MYO3B: variants seen among roughly 807,000 people sequenced by gnomAD.
The protein encoded by MYO3B is myosin-IIIb.
In MYO3B, 156 loss-of-function variants were observed where a neutral mutation model predicts 174.6. The ratio of observed to expected loss-of-function variants is 0.89; its 90% confidence interval spans 0.78 to 1.02. The LOEUF is 1.02. Ranked by LOEUF, MYO3B falls within the 50% of genes least tolerant of loss-of-function variation. The pLI is 0.00. For missense variants in MYO3B, 1,632 were observed against 1,639.4 expected, an observed-to-expected ratio of 1.00 and a Z score of 0.08; for synonymous variants, 563 against 569.1, an observed-to-expected ratio of 0.99 and a Z score of 0.15.
At chr2:170,444,644 A>G (rs1423348802) in intron 23 of MYO3B, among the ~76,000 whole-genome samples, 8 of 152,208 alleles carry the variant, frequency 5.3e-5, no homozygotes, top group Non-Finnish European at 1.5e-5. Flanking sequence ...TTATTTAATA[A>G]AGAATAAACA....
chr2:170,581,207 A>G (rs1201127858), intron 32 of MYO3B, among the ~76,000 whole-genome samples: 1 of 152,140 alleles, frequency 6.6e-6, no homozygotes, highest in Non-Finnish European at 1.5e-5. Flanking sequence ...AAAAAAATAA[A>G]TTTCGGAGTC....
At chr2:170,456,078 G>GT (rs1432932299) in intron 23 of MYO3B, among the ~76,000 whole-genome samples, 1 of 152,124 alleles carries the variant, frequency 6.6e-6, no homozygotes, top group Non-Finnish European at 1.5e-5. Context: ...GAATCACAGA[G>GT]TGATTACCCA....
At chr2:170,616,814 C>A (rs187457776) in intron 32 of MYO3B, among the ~76,000 whole-genome samples, 1 of 152,252 alleles carries the variant, frequency 6.6e-6, no homozygotes, top group Admixed American at 6.5e-5. Flanking sequence ...GCTTGAGAGG[C>A]CTCAAAAATC....
intron 23 of MYO3B, among the ~76,000 whole-genome samples, chr2:170,454,948 T>G (rs1429183832): frequency 6.6e-6 from 1 of 152,082 alleles, no homozygotes; most frequent in Non-Finnish European, 1.5e-5. Context: ...TTGCACTGAG[T>G]CAATTCCTGG....
At chr2:170,603,502 T>A (rs73978735) in intron 32 of MYO3B, among the ~76,000 whole-genome samples, 4,656 of 152,310 alleles carry the variant, frequency 0.031, 259 homozygotes, top group African/African-American at 0.11. Flanking sequence ...CCTGTGGCAT[T>A]GATTAGTGTC....
At chr2:170,501,698 T>C (rs1687279824) in intron 27 of MYO3B, 87 bp from the exon 28 acceptor site, 3 of 840,370 alleles carry the variant, frequency 3.6e-6, no homozygotes, top group South Asian at 1.5e-5. Context: ...AGACGGGCAA[T>C]AGGCTGGAGG....
intron 1 of MYO3B, among the ~76,000 whole-genome samples, chr2:170,181,406 C>T (rs1438674989): frequency 6.6e-6 from 1 of 151,848 alleles, no homozygotes; most frequent in Non-Finnish European, 1.5e-5. Context: ...TTACTTCTTC[C>T]CTTCTAATCT....
chr2:170,626,838 T>G (rs1408664676), intron 32 of MYO3B, among the ~76,000 whole-genome samples: 1 of 152,212 alleles, frequency 6.6e-6, no homozygotes, highest in Non-Finnish European at 1.5e-5. Flanking sequence ...AAATTCTGGG[T>G]TGAAAATTCA....
intron 6 of MYO3B, among the ~76,000 whole-genome samples, chr2:170,227,500 G>A (rs1478801942): frequency 2.0e-5 from 3 of 152,220 alleles, no homozygotes; most frequent in South Asian, 4.2e-4. Context: ...GCCCAGGCTG[G>A]TCTTGAACTC....
At chr2:170,391,682 G>T in intron 15 of MYO3B, 64 bp downstream of exon 15, 1 of 926,638 alleles carries the variant, frequency 1.1e-6, no homozygotes. Flanking sequence ...TGACAAACTT[G>T]GAAGTAAATG....
chr2:170,379,618 G>A (rs1309489788), intron 9 of MYO3B, among the ~76,000 whole-genome samples: 1 of 152,200 alleles, frequency 6.6e-6, no homozygotes, highest in African/African-American at 2.4e-5. Flanking sequence ...GAGGCAGGCA[G>A]CAGCTCTGAG....
At chr2:170,208,632 T>G (rs2092739510) in intron 3 of MYO3B, among the ~76,000 whole-genome samples, 1 of 152,148 alleles carries the variant, frequency 6.6e-6, no homozygotes, top group South Asian at 2.1e-4. Flanking sequence ...GTCTAAAGGG[T>G]AGGCAAAAAC....
chr2:170,499,568 C>A (rs1176945272), intron 26 of MYO3B, 78 bp from the exon 27 acceptor site: 17 of 1,301,970 alleles, frequency 1.3e-5, no homozygotes, highest in Non-Finnish European at 1.7e-5. Flanking sequence ...TTAATATTTT[C>A]ATTTAGAATA....
chr2:170,292,665 C>T (rs182390344), intron 7 of MYO3B, among the ~76,000 whole-genome samples: 5 of 152,198 alleles, frequency 3.3e-5, no homozygotes, highest in African/African-American at 1.2e-4. Context: ...GATCTGAGCC[C>T]TGCCTGTTTC....
At position 170,463,227 on chromosome 2, in the gene MYO3B, T is replaced by C. The variant is rs1421799942; in HGVS notation, c.2731-141T>C. 15 of 587,858 alleles carry C rather than the reference T, an allele frequency of 2.6e-5. No homozygotes were observed. The East Asian group carries it at 4.2e-4, about 17-fold the overall frequency. The allele number at this position is 587,858 out of a possible 1,614,324, so 36.4% of individuals were successfully genotyped here. ...TTCGTTTCTATGTTTTGAAAAATTC[T>C]CCCCACAGTATACACTATTGTGTCC... On this transcript the variant is annotated intron_variant, in intron 23 of 34. Coordinates refer to ENST00000408978, the MANE Select transcript of MYO3B (RefSeq NM_138995.5).
At chr2:170,534,295 A>C (rs769690507) in intron 30 of MYO3B, among the ~76,000 whole-genome samples, 16 of 152,212 alleles carry the variant, frequency 1.1e-4, no homozygotes, top group Non-Finnish European at 2.2e-4. Context: ...AATAGTGTAA[A>C]AATTATATGC....
At chr2:170,547,415 G>A (rs1690590416) in intron 32 of MYO3B, among the ~76,000 whole-genome samples, 1 of 152,022 alleles carries the variant, frequency 6.6e-6, no homozygotes, top group Non-Finnish European at 1.5e-5. Flanking sequence ...AATATACCCG[G>A]GAAGTGCATA....
intron 7 of MYO3B, among the ~76,000 whole-genome samples, chr2:170,264,060 T>A (rs942945137): frequency 1.3e-5 from 2 of 152,178 alleles, no homozygotes; most frequent in African/African-American, 4.8e-5. Flanking sequence ...AAGCACTTGT[T>A]TAACAAAGCA....
At chr2:170,596,254 A>G (rs1694138030) in intron 32 of MYO3B, among the ~76,000 whole-genome samples, 1 of 152,186 alleles carries the variant, frequency 6.6e-6, no homozygotes, top group Non-Finnish European at 1.5e-5. Context: ...TTGTAATACA[A>G]CAAATAATTC....
Sources: gnomAD v4.1 joint callset for allele counts (sites outside exome capture counted in the v4.1 genomes callset) on GRCh38, gnomAD v4.1.1 for gene constraint, MANE v1.5 for transcripts, NCBI Gene and HGNC (gene_info 2026-07-23, HGNC 2026-07-21) for gene names.